PRDM11: variants seen among roughly 807,000 people sequenced by gnomAD.
The protein encoded by PRDM11 is PR/SET domain 11.
Under a neutral mutation model 97.8 loss-of-function variants are expected in PRDM11, and 20 were observed. That is an observed-to-expected ratio of 0.20 (90% CI 0.14 to 0.30). The LOEUF is 0.30. PRDM11 is among the 10% of genes least tolerant of loss of function. PRDM11 has a pLI of 1.00. For synonymous variants in PRDM11, 599 were observed against 637.7 expected, an observed-to-expected ratio of 0.94 and a Z score of 0.91; for missense variants, 1,139 against 1,555.2, an observed-to-expected ratio of 0.73 and a Z score of 4.50.
chr11:45,172,073 A>G (rs1176254379), intron 1 of PRDM11, among the ~76,000 whole-genome samples: 3 of 152,226 alleles, frequency 2.0e-5, no homozygotes, highest in African/African-American at 7.2e-5. Flanking sequence ...CCCCTTTCTC[A>G]GGTGTGATAA....
intron 1 of PRDM11, among the ~76,000 whole-genome samples, chr11:45,137,414 CA>C (rs72449329): frequency 0.81 from 122,957 of 151,186 alleles, 50,496 homozygotes; most frequent in Middle Eastern, 0.88. Flanking sequence ...GCCTGAGTGA[CA>C]AGAGACTCCG....
At chr11:45,119,424 G>C (rs796735539) in intron 1 of PRDM11, among the ~76,000 whole-genome samples, 3 of 151,994 alleles carry the variant, frequency 2.0e-5, no homozygotes, top group African/African-American at 7.3e-5. Flanking sequence ...TCAGGAGATC[G>C]AGACCATTCT....
chr11:45,191,661 C>G (rs185982265), intron 4 of PRDM11, among the ~76,000 whole-genome samples: 2 of 152,196 alleles, frequency 1.3e-5, no homozygotes, highest in East Asian at 3.9e-4. Flanking sequence ...TTTTTCCTTA[C>G]TTTCTGGCAC....
chr11:45,120,063 T>C (rs1404334289), intron 1 of PRDM11, among the ~76,000 whole-genome samples: 1 of 152,246 alleles, frequency 6.6e-6, no homozygotes, highest in East Asian at 1.9e-4. Flanking sequence ...ATGGCCATTC[T>C]AGAATTGAAA....
In PRDM11 at chr11:45,117,858, C is replaced by T. The variant is rs568372381; in HGVS notation, c.96+21957C>T. ...AGTACAGTATGGAAAGAAGGGAAAA[C>T]GAGTAACTGTACTGTGGGAAAACCT... On this transcript the variant is annotated intron_variant, in intron 1 of 6. Coordinates refer to the PRDM11 transcript ENST00000530656. Among the ~76,000 whole-genome samples the T allele has an allele frequency of 8.5e-5, 13 of 152,242 alleles. No homozygotes were observed. The South Asian group carries it at 1.7e-3, about 19-fold the overall frequency.
rs1470029052 is a variant in PRDM11, at chr11:45,224,811, T to TGCC, written c.1337_1338insGCC (p.Val446_Leu447insPro). ...GAGCCCCCCGTATTGCCACCACAGGTACTGGAGCTCCCAGAGTTCTCGGAC... is the reference window on the plus strand; with the variant it reads ...GAGCCCCCCGTATTGCCACCACAGGTGCCACTGGAGCTCCCAGAGTTCTCGGAC... On this transcript the variant is annotated inframe_insertion, in exon 7 of 8. Coordinates refer to ENST00000683152, the MANE Select transcript of PRDM11 (RefSeq NM_001384648.1). 6.2e-7 allele frequency: 1 copy of TGCC among 1,614,024 alleles called. No individual in the cohort carries two copies. The highest frequency in any genetic ancestry group is 8.5e-7 in the Non-Finnish European group (1 of 1,180,034).
Position 45,227,349 on chromosome 11 carries a change from G to A in PRDM11, c.2724G>A (p.Val908=). ...FQGEYLLVSQ[V]DDKIEEAIQE... ...GCGAGTACCTGCTGGTGTCCCAGGT[G>A]GATGACAAGATCGAGGAGGCCATCC... The change falls in exon 8 of 8, where the codon GTG becomes GTA. Residue 908 remains valine, a synonymous_variant. Coordinates refer to ENST00000683152, the MANE Select transcript of PRDM11 (RefSeq NM_001384648.1). This position sits in a 1 kb window ranked among gnomAD's most constrained non-coding sequence, Gnocchi z 8.0. 2 of 1,533,980 alleles carry A rather than the reference G, an allele frequency of 1.3e-6. No individual in the cohort carries two copies. The highest frequency in any genetic ancestry group is 1.2e-5 in the South Asian group (1 of 83,960).
chr11:45,110,993 C>T (rs1210226856), intron 1 of PRDM11, among the ~76,000 whole-genome samples: 2 of 151,656 alleles, frequency 1.3e-5, no homozygotes, highest in Admixed American at 6.6e-5. Flanking sequence ...TTACAGTTTT[C>T]GACGTCCAAT....
chr11:45,105,469 C>T (rs1168803110), intron 1 of PRDM11, among the ~76,000 whole-genome samples: 1 of 152,234 alleles, frequency 6.6e-6, no homozygotes, highest in African/African-American at 2.4e-5. Flanking sequence ...GGAAGCCAGA[C>T]CTCTGCACAC....
intron 1 of PRDM11, among the ~76,000 whole-genome samples, chr11:45,123,654 T>C (rs1407553754): frequency 1.3e-5 from 2 of 151,224 alleles, no homozygotes; most frequent in African/African-American, 2.4e-5. Flanking sequence ...CAGATAGTTG[T>C]AGATATGCAG....
chr11:45,203,075 T>C (rs899326373), intron 4 of PRDM11, among the ~76,000 whole-genome samples: 4 of 152,134 alleles, frequency 2.6e-5, no homozygotes, highest in African/African-American at 9.7e-5. Flanking sequence ...TTTACATTGA[T>C]AAAGGGCTTC....
intron 4 of PRDM11, among the ~76,000 whole-genome samples, chr11:45,198,738 G>T (rs568861130): frequency 1.3e-5 from 2 of 152,200 alleles, no homozygotes; most frequent in Non-Finnish European, 2.9e-5. Flanking sequence ...TCAGAGAGGG[G>T]CCCAGAAGAG....
intron 6 of PRDM11, among the ~76,000 whole-genome samples, chr11:45,223,782 G>A (rs1411789062): frequency 6.6e-6 from 1 of 152,154 alleles, no homozygotes; most frequent in Admixed American, 6.5e-5. Flanking sequence ...TTACCAAGTC[G>A]AAGCAGCCAT....
intron 1 of PRDM11, among the ~76,000 whole-genome samples, chr11:45,140,857 A>T (rs1410507813): frequency 2.0e-5 from 3 of 152,188 alleles, no homozygotes; most frequent in Non-Finnish European, 4.4e-5. Context: ...CATCTCTTGA[A>T]TGATGATTGA....
At chr11:45,215,844 A>G (rs895226384) in intron 5 of PRDM11, 1 of 152,310 alleles carries the variant, frequency 6.6e-6, no homozygotes, top group African/African-American at 2.4e-5. Context: ...GTCTTTTCCT[A>G]GTTCTGCCTC....
chr11:45,174,732 C>T (rs1852286935), intron 1 of PRDM11, among the ~76,000 whole-genome samples: 1 of 152,126 alleles, frequency 6.6e-6, no homozygotes, highest in South Asian at 2.1e-4. Flanking sequence ...TGAAGAGGTC[C>T]TCTAAAGAAT....
upstream of PRDM11, among the ~76,000 whole-genome samples, chr11:45,142,181 A>T (rs1358656871): frequency 1.3e-5 from 2 of 152,164 alleles, no homozygotes; most frequent in African/African-American, 2.4e-5. Context: ...CCCAGCTTAA[A>T]ATTACCAGTG....
upstream of PRDM11, chr11:45,146,613 A>G (rs1172349688): frequency 6.6e-6 from 1 of 152,024 alleles, no homozygotes; most frequent in Non-Finnish European, 1.5e-5. Flanking sequence ...CGTCTGCCCC[A>G]AACGCCGCTT....
chr11:45,121,284 A>G (rs1325062089), intron 1 of PRDM11, among the ~76,000 whole-genome samples: 1 of 152,174 alleles, frequency 6.6e-6, no homozygotes, highest in African/African-American at 2.4e-5. Flanking sequence ...TACACACAAT[A>G]TAGGAGGACA....
Sources: gnomAD v4.1 joint callset for allele counts (sites outside exome capture counted in the v4.1 genomes callset) on GRCh38, gnomAD v4.1.1 for gene constraint, Gnocchi (gnomAD v3.1) non-coding constraint, MANE v1.5 for transcripts, NCBI Gene and HGNC (gene_info 2026-07-23, HGNC 2026-07-21) for gene names.